The following AKAP8 variants were observed in gnomAD, a reference collection of about 807,000 sequenced individuals.
The protein encoded by AKAP8 is A-kinase anchoring protein 8, also known as A-kinase anchor protein 8.
A neutral mutation model predicts 67.5 loss-of-function variants in AKAP8; 24 were observed. That is an observed-to-expected ratio of 0.36 (90% CI 0.26 to 0.50). The LOEUF (loss-of-function observed/expected upper bound fraction) is 0.50. AKAP8 is among the 20% of genes least tolerant of loss of function. The pLI is 0.97. For missense variants in AKAP8, 971 were observed against 955.9 expected (o/e 1.02, Z -0.21); for synonymous variants, 400 against 371.1 (o/e 1.08, Z -0.90).
intron 9 of AKAP8, among the ~76,000 whole-genome samples, chr19:15,367,848 G>A (rs924875861): frequency 9.2e-5 from 14 of 152,244 alleles, no homozygotes; most frequent in South Asian, 2.1e-4. Flanking sequence ...CACCAGGCTA[G>A]GGGGCAGGGA....
intron 9 of AKAP8, among the ~76,000 whole-genome samples, chr19:15,367,193 A>G (rs1411032869): frequency 1.3e-5 from 2 of 152,214 alleles, no homozygotes; most frequent in Non-Finnish European, 2.9e-5. Flanking sequence ...TGTGTGAGCC[A>G]CGGCATCTGG....
intron 12 of AKAP8, among the ~76,000 whole-genome samples, chr19:15,359,592 C>T (rs575740117): frequency 2.4e-4 from 37 of 151,840 alleles, no homozygotes; most frequent in African/African-American, 8.7e-4. Context: ...GGTGCACACC[C>T]GTAATCCCAG....
At chr19:15,364,639 G>A (rs939615587) in intron 9 of AKAP8, among the ~76,000 whole-genome samples, 18 of 151,934 alleles carry the variant, frequency 1.2e-4, no homozygotes, top group Non-Finnish European at 2.1e-4. Flanking sequence ...GTGAGCCACC[G>A]CGCCCAGCCT....
chr19:15,371,653 T>A (rs1243799283), intron 7 of AKAP8, among the ~76,000 whole-genome samples: 2 of 151,978 alleles, frequency 1.3e-5, no homozygotes, highest in Non-Finnish European at 2.9e-5. Context: ...CACTCCTGGC[T>A]AATTTTTGTA....
chr19:15,357,042 T>C (rs555888127), intron 13 of AKAP8, among the ~76,000 whole-genome samples: 10 of 152,150 alleles, frequency 6.6e-5, no homozygotes, highest in African/African-American at 1.4e-4. Flanking sequence ...CACTGCAACC[T>C]GCACCTCCCG....
chr19:15,372,107 T>C, intron 6 of AKAP8, 109 bp from the exon 7 acceptor site: 2 of 1,608,506 alleles, frequency 1.2e-6, no homozygotes, highest in Admixed American at 1.7e-5. Flanking sequence ...CACAGTGGGG[T>C]TGAAACATGC....
intron 9 of AKAP8, among the ~76,000 whole-genome samples, chr19:15,367,346 G>A (rs184357779): frequency 4.4e-4 from 67 of 152,258 alleles, no homozygotes; most frequent in Non-Finnish European, 6.6e-4. Flanking sequence ...TTGCCAACAC[G>A]GTGAATCCCG....
intron 12 of AKAP8, among the ~76,000 whole-genome samples, chr19:15,359,525 G>A (rs1006975473): frequency 1.9e-4 from 29 of 152,044 alleles, no homozygotes; most frequent in Non-Finnish European, 4.4e-5. Flanking sequence ...TTCGAGACAA[G>A]CCTGGCCATC....
intron 9 of AKAP8, among the ~76,000 whole-genome samples, chr19:15,366,148 C>CAAA (rs1419505135): frequency 5.3e-4 from 10 of 18,726 alleles, no homozygotes; most frequent in South Asian, 2.7e-3. Context: ...GAAAAAAAAG[C>CAAA]AAAAAGAAAA....
At chr19:15,371,855 C>A (rs1199676855) in intron 7 of AKAP8, 97 bp downstream of exon 7, 1 of 1,394,584 alleles carries the variant, frequency 7.2e-7, no homozygotes, top group African/African-American at 1.4e-5. Flanking sequence ...GTAGTCAAAT[C>A]TACCATGGCA....
intron 2 of AKAP8, 85 bp downstream of exon 2, chr19:15,376,891 C>T: frequency 6.6e-7 from 1 of 1,517,240 alleles, no homozygotes; most frequent in Non-Finnish European, 9.0e-7. Context: ...CTACTACTCT[C>T]CCTTGACCCA....
Position 15,371,933 on chromosome 19 carries a change from G to A in AKAP8, c.1038+19C>T. ...AGAAATCCCACACTAGAGGCAAAAG[G>A]GCTGCCTGGTGGACTTACACCCTTG... On this transcript the variant is annotated intron_variant, in intron 7 of 13. Coordinates refer to ENST00000269701, the MANE Select transcript of AKAP8 (RefSeq NM_005858.4). The A allele has an allele frequency of 6.2e-7, 1 of 1,613,592 alleles. No homozygotes were observed. The highest frequency in any genetic ancestry group is 1.1e-5 in the South Asian group (1 of 90,936).
chr19:15,365,579 C>A (rs151325310), intron 9 of AKAP8, among the ~76,000 whole-genome samples: 1 of 152,334 alleles, frequency 6.6e-6, no homozygotes, highest in East Asian at 1.9e-4. Flanking sequence ...CATGAAGACA[C>A]CTCCGCTTCT....
rs1456420803 is a variant in AKAP8, at chr19:15,373,835, C to A, written c.322G>T (p.Gly108Cys). 3 of 1,612,226 alleles carry A rather than the reference C, an allele frequency of 1.9e-6. No homozygotes were observed. The Admixed American group carries it at 5.0e-5, about 27-fold the overall frequency. ...QRLDMMSKEG[G>C]RGGSGGGGEG... ...CCACCGCCGCCGCTCCCGCCCCTGC[C>A]TCCTTCCTTGGACATCATGTCCAAA... The change falls in exon 4 of 14, where the codon GGC becomes TGC. Residue 108 changes from glycine (G) to cysteine (C), a missense_variant. Coordinates refer to ENST00000269701, the MANE Select transcript of AKAP8 (RefSeq NM_005858.4).
chr19:15,355,712 G>A (rs1183896186), intron 13 of AKAP8, among the ~76,000 whole-genome samples: 2 of 151,606 alleles, frequency 1.3e-5, no homozygotes, highest in Non-Finnish European at 2.9e-5. Context: ...GATTACAGGT[G>A]TGAACCACCA....
At chr19:15,379,522 C>A in intron 1 of AKAP8, 191 bp downstream of exon 1, 2 of 556,200 alleles carry the variant, frequency 3.6e-6, no homozygotes, top group Admixed American at 4.4e-5. Flanking sequence ...CCAATCCGCA[C>A]GCAGAGCCCC....
Position 15,378,331 on chromosome 19 carries a change from G to GT in AKAP8, c.20-1318dup, listed in dbSNP as rs1967291976. Among the ~76,000 whole-genome samples the GT allele has an allele frequency of 2.6e-5, 4 of 152,282 alleles. No homozygotes were observed. The South Asian group carries it at 8.3e-4, about 32-fold the overall frequency. On this transcript the variant is annotated intron_variant, in intron 1 of 13. Coordinates refer to ENST00000269701, the MANE Select transcript of AKAP8 (RefSeq NM_005858.4). The stretch of plus-strand genomic sequence containing the variant: ...GACTGCTTCTCTGTGAAGCTCTAGT[G>GT]TAAGTGGCACGCACTATTAACCTTA...
rs1350964908 is a variant in AKAP8, at chr19:15,369,316, C to CG, written c.1072+829dup. 17 of 968,582 alleles carry CG rather than the reference C, an allele frequency of 1.8e-5. No homozygotes were observed. Among genetic ancestry groups the CG allele is most frequent in the Middle Eastern group, 5.2e-4 (1 of 1,912 alleles). The allele number at this position is 968,582 out of a possible 1,614,324, so 60.0% of individuals were successfully genotyped here. ...CTATGGACAGGACTGCTGCGGGTCG[C>CG]GGGGGGGAGGACCGCAGAGGGCTGG... On this transcript the variant is annotated intron_variant, in intron 8 of 13. Transcript: ENST00000269701. The surrounding 1 kb of genome is among the most constrained non-coding windows in gnomAD (Gnocchi z 4.6).
Position 15,355,269 on chromosome 19 carries a change from C to G in AKAP8, c.1725G>C (p.Ala575=), listed in dbSNP as rs200362293. 10 of 1,613,060 alleles carry G rather than the reference C, an allele frequency of 6.2e-6. No homozygotes were observed. Among genetic ancestry groups the G allele is most frequent in the Middle Eastern group, 3.3e-4 (2 of 6,062 alleles). Residue 575 remains alanine (A), a synonymous_variant, in exon 14 of 14, where the codon GCG becomes GCC. Transcript: ENST00000269701. ...CTGTAATCACCTCTGCTAAGACGTC[C>G]GCGGCCACCTCCTCAGGTGTCTCTT... The part of the protein sequence containing the change: ...DKKETPEEVA[A]DVLAEVITAA...
Sources: allele counts gnomAD v4.1 joint callset (sites outside exome capture counted in the v4.1 genomes callset), GRCh38; gene constraint gnomAD v4.1.1; non-coding constraint Gnocchi (gnomAD v3.1); transcripts MANE v1.5; gene names NCBI Gene and HGNC (gene_info 2026-07-23, HGNC 2026-07-21).